CPED1: variants seen among roughly 807,000 people sequenced by gnomAD.
CPED1 encodes cadherin like and PC-esterase domain containing 1.
CPED1 carries 114 observed loss-of-function variants against 128.2 expected under a neutral mutation model. That is an observed-to-expected ratio of 0.89 (90% confidence interval 0.76 to 1.04). The LOEUF (loss-of-function observed/expected upper bound fraction) is 1.04, where lower values mean the gene tolerates loss of function less well. CPED1 is among the 50% of genes least tolerant of loss of function. The pLI, the probability that CPED1 is intolerant of heterozygous loss-of-function variation, is 0.00. For synonymous variants in CPED1, 462 were observed against 426.7 expected, an observed-to-expected ratio of 1.08 and a Z score of -1.02; for missense variants, 1,211 against 1,207.1, an observed-to-expected ratio of 1.00 and a Z score of -0.05.
At chr7:121,193,884 T>G (rs751279703) in intron 16 of CPED1, among the ~76,000 whole-genome samples, 7 of 151,640 alleles carry the variant, frequency 4.6e-5, no homozygotes, top group Non-Finnish European at 7.4e-5. Flanking sequence ...ATCTCAGAAA[T>G]AAATCAGAAG....
intron 3 of CPED1, among the ~76,000 whole-genome samples, chr7:121,031,311 T>A (rs1212655594): frequency 6.6e-6 from 1 of 152,180 alleles, no homozygotes; most frequent in Admixed American, 6.5e-5. Context: ...GCCAACTTTT[T>A]TCTTTTTTTG....
chr7:121,194,273 A>G (rs1243842260), intron 16 of CPED1, among the ~76,000 whole-genome samples: 1 of 150,108 alleles, frequency 6.7e-6, no homozygotes, highest in East Asian at 2.0e-4. Context: ...CTGGTCTTGA[A>G]CTCCTGACCT....
intron 2 of CPED1, among the ~76,000 whole-genome samples, chr7:120,995,063 T>C (rs1241805913): frequency 1.3e-5 from 2 of 152,202 alleles, no homozygotes; most frequent in Non-Finnish European, 2.9e-5. Flanking sequence ...CGAACATGTG[T>C]AGAACTAATA....
intron 22 of CPED1, among the ~76,000 whole-genome samples, chr7:121,280,812 A>G (rs1792447889): frequency 6.6e-6 from 1 of 152,156 alleles, no homozygotes; most frequent in Non-Finnish European, 1.5e-5. Flanking sequence ...ACTTTTGTGA[A>G]TTCTTAGGCT....
intron 5 of CPED1, among the ~76,000 whole-genome samples, chr7:121,079,454 T>C (rs1169280678): frequency 6.6e-6 from 1 of 152,256 alleles, no homozygotes; most frequent in African/African-American, 2.4e-5. Context: ...CACCAAGAAC[T>C]CTGATACTGC....
chr7:121,261,246 T>G (rs537297110), intron 18 of CPED1, among the ~76,000 whole-genome samples: 5 of 152,116 alleles, frequency 3.3e-5, no homozygotes, highest in Admixed American at 6.6e-5. Flanking sequence ...TTTTTACCAA[T>G]AAATATTTCT....
intron 16 of CPED1, among the ~76,000 whole-genome samples, chr7:121,178,224 A>G (rs1404266): frequency 0.99 from 150,779 of 152,168 alleles, 74,720 homozygotes; most frequent in Middle Eastern, 1. Context: ...AAACAGCATC[A>G]GAGACAACAC....
chr7:121,291,053 A>G (rs1792690069), intron 22 of CPED1, among the ~76,000 whole-genome samples: 1 of 152,224 alleles, frequency 6.6e-6, no homozygotes, highest in Non-Finnish European at 1.5e-5. Flanking sequence ...TATTTATGAA[A>G]TAGGGAATCC....
chr7:121,195,189 C>T (rs1479957108), intron 16 of CPED1: 1 of 151,828 alleles, frequency 6.6e-6, no homozygotes, highest in East Asian at 1.9e-4. Context: ...ATGTAAGACC[C>T]CAGACTTTTA....
In CPED1 at chr7:121,244,962, C is replaced by G. The variant is rs555846365; in HGVS notation, c.2310+624C>G. Among the ~76,000 whole-genome samples, 3 of 152,230 alleles carry G rather than the reference C, an allele frequency of 2.0e-5. No homozygotes were observed. In the East Asian group the frequency reaches 5.8e-4, roughly 29 times the overall value. ...ACTAGGTAGAGTCTGGCAGAACTCT[C>G]GGATATGCAAAATGGGCACATAGAC... On this transcript the variant is annotated intron_variant, in intron 18 of 22. Transcript: ENST00000310396.
At chr7:121,002,878 T>C (rs1791899916) in intron 2 of CPED1, among the ~76,000 whole-genome samples, 1 of 152,222 alleles carries the variant, frequency 6.6e-6, no homozygotes, top group Non-Finnish European at 1.5e-5. Flanking sequence ...CATTATCCAA[T>C]AATGTGTACG....
intron 2 of CPED1, among the ~76,000 whole-genome samples, chr7:121,001,447 TG>T (rs1791857042): frequency 6.6e-6 from 1 of 152,164 alleles, no homozygotes; most frequent in Admixed American, 6.6e-5. Context: ...GAGAGGGATT[TG>T]GGGTAGCCAA....
chr7:121,043,062 A>T (rs1314220313), intron 3 of CPED1, among the ~76,000 whole-genome samples: 1 of 150,182 alleles, frequency 6.7e-6, no homozygotes, highest in Non-Finnish European at 1.5e-5. Context: ...AGACATAAAC[A>T]ATGAGCATTT....
chr7:121,209,476 A>G (rs1169931798), intron 16 of CPED1, among the ~76,000 whole-genome samples: 1 of 152,084 alleles, frequency 6.6e-6, no homozygotes, highest in African/African-American at 2.4e-5. Context: ...TTTGTGGAAC[A>G]TCTTACTATT....
At chr7:121,194,014 CTCTCTCTCTATA>C (rs1420357007) in intron 16 of CPED1, among the ~76,000 whole-genome samples, 2 of 70,216 alleles carry the variant, frequency 2.8e-5, no homozygotes, top group African/African-American at 1.1e-4. Flanking sequence ...CTCTCTCTCT[CTCTCTCTCTATA>C]TATATATATA....
At chr7:121,221,786 C>T (rs1162394604) in intron 16 of CPED1, among the ~76,000 whole-genome samples, 1 of 152,138 alleles carries the variant, frequency 6.6e-6, no homozygotes, top group Non-Finnish European at 1.5e-5. Flanking sequence ...CTGTTCATAT[C>T]TTTTGCCCAC....
chr7:121,080,073 C>G (rs138845272), intron 5 of CPED1, among the ~76,000 whole-genome samples: 14 of 152,202 alleles, frequency 9.2e-5, no homozygotes, highest in Non-Finnish European at 1.9e-4. Flanking sequence ...TGTATAATAC[C>G]AAAACAGCTG....
chr7:121,258,781 A>C (rs896197630), intron 18 of CPED1, among the ~76,000 whole-genome samples: 1 of 152,098 alleles, frequency 6.6e-6, no homozygotes, highest in African/African-American at 2.4e-5. Context: ...GCCTTCCTGA[A>C]GACTTTCAAT....
chr7:121,017,514 T>C (rs1255915270), intron 3 of CPED1, among the ~76,000 whole-genome samples: 1 of 152,162 alleles, frequency 6.6e-6, no homozygotes, highest in Admixed American at 6.6e-5. Context: ...AAGGGGTGAT[T>C]GTATAACTAC....
Sources: gnomAD v4.1 joint callset for allele counts (sites outside exome capture counted in the v4.1 genomes callset) on GRCh38, gnomAD v4.1.1 for gene constraint, MANE v1.5 for transcripts, NCBI Gene and HGNC (gene_info 2026-07-23, HGNC 2026-07-21) for gene names.